IL1R1: variants seen among roughly 807,000 people sequenced by gnomAD.
The protein encoded by IL1R1 is interleukin-1 receptor type 1.
IL1R1 carries 22 observed loss-of-function variants against 50.2 expected under a neutral mutation model. The ratio of observed to expected loss-of-function variants is 0.44; its 90% CI spans 0.31 to 0.63. The LOEUF (loss-of-function observed/expected upper bound fraction) is 0.63, where lower values mean the gene tolerates loss of function less well. Among genes scored for constraint, IL1R1 ranks in the 20% least tolerant of loss-of-function variants. IL1R1 has a pLI of 0.07. For missense variants in IL1R1, 509 were observed against 676.2 expected (o/e 0.75, Z 2.74); for synonymous variants, 251 against 236.7 (o/e 1.06, Z -0.55).
chr2:102,104,199 G>T (rs1297058359), upstream of IL1R1, among the ~76,000 whole-genome samples: 6 of 152,004 alleles, frequency 3.9e-5, no homozygotes. Flanking sequence ...ATGAGAAGTG[G>T]GCCAGCATCT....
intron 1 of IL1R1, among the ~76,000 whole-genome samples, chr2:102,072,159 C>CTGAA (rs1042372485): frequency 6.6e-6 from 1 of 151,504 alleles, no homozygotes; most frequent in African/African-American, 2.4e-5. Flanking sequence ...ACTAGGGAGG[C>CTGAA]TGAAGCAGGA....
At chr2:102,123,647 G>A (rs370630796) in intron 1 of IL1R1, among the ~76,000 whole-genome samples, 54 of 152,036 alleles carry the variant, frequency 3.6e-4, no homozygotes, top group African/African-American at 1.1e-3. Flanking sequence ...TCATGGTGGC[G>A]TGCACCTATA....
chr2:102,154,601 T>A (rs893939080), intron 2 of IL1R1, among the ~76,000 whole-genome samples: 1 of 152,108 alleles, frequency 6.6e-6, no homozygotes, highest in African/African-American at 2.4e-5. Flanking sequence ...CCCGCCTGCC[T>A]GTCTGTCACT....
At chr2:102,140,489 G>T (rs1454233160), upstream of IL1R1, among the ~76,000 whole-genome samples, 1 of 152,186 alleles carries the variant, frequency 6.6e-6, no homozygotes, top group Non-Finnish European at 1.5e-5. Flanking sequence ...GTGTCCAGAG[G>T]CTAACAATGC....
chr2:102,166,956 A>G (rs1290776633), intron 6 of IL1R1, among the ~76,000 whole-genome samples: 1 of 152,234 alleles, frequency 6.6e-6, no homozygotes, highest in Non-Finnish European at 1.5e-5. Flanking sequence ...ATTGAAAACT[A>G]TATCACAGCA....
At chr2:102,166,720 C>T (rs1201505606) in intron 6 of IL1R1, among the ~76,000 whole-genome samples, 1 of 152,140 alleles carries the variant, frequency 6.6e-6, no homozygotes, top group African/African-American at 2.4e-5. Flanking sequence ...ACCTCCTGTT[C>T]ATTCTGTGTT....
intron 1 of IL1R1, among the ~76,000 whole-genome samples, chr2:102,092,538 T>C (rs937384028): frequency 8.5e-5 from 13 of 152,174 alleles, no homozygotes; most frequent in African/African-American, 2.9e-4. Flanking sequence ...TCTTAAGTGC[T>C]CTTTAAACCA....
intron 3 of IL1R1, among the ~76,000 whole-genome samples, chr2:102,162,053 T>C (rs1684779344): frequency 6.6e-6 from 1 of 152,180 alleles, no homozygotes; most frequent in South Asian, 2.1e-4. Context: ...ATTTTTACTG[T>C]AAAATCTACT....
intron 1 of IL1R1, among the ~76,000 whole-genome samples, chr2:102,124,432 G>GC (rs994551032): frequency 2.1e-4 from 31 of 144,756 alleles, no homozygotes; most frequent in African/African-American, 4.9e-4. Flanking sequence ...CCCCACCACT[G>GC]CCCCCCCAAA....
At chr2:102,168,698 G>GTT (rs55639750) in intron 7 of IL1R1, 35 bp downstream of exon 7, 580 of 1,263,126 alleles carry the variant, frequency 4.6e-4, no homozygotes, top group South Asian at 3.8e-3. Flanking sequence ...GCTGGAATCG[G>GTT]TTTTTTTTTT....
chr2:102,083,671 T>A (rs1679314568), intron 1 of IL1R1, among the ~76,000 whole-genome samples: 1 of 152,002 alleles, frequency 6.6e-6, no homozygotes, highest in South Asian at 2.1e-4. Flanking sequence ...ATCGGCCAGG[T>A]GTGGTGGCTC....
Position 102,094,738 on chromosome 2 carries a change from T to A in IL1R1, c.-84+24205T>A, listed in dbSNP as rs112786283. Among the ~76,000 whole-genome samples, 1,182 of 152,328 alleles carry A rather than the reference T, an allele frequency of 7.8e-3. 14 individuals carry two copies. The highest frequency in any genetic ancestry group is 0.028 in the African/African-American group (1,145 of 41,564). On this transcript the variant is annotated intron_variant, in intron 1 of 11. Coordinates refer to the IL1R1 transcript ENST00000409929. ...TTATGTGTGCGTTACCAGGTTGCAG[T>A]CAGCCAACAGACACAGAACAGGTTA...
chr2:102,126,930 A>C (rs1681743572), intron 1 of IL1R1, among the ~76,000 whole-genome samples: 3 of 152,218 alleles, frequency 2.0e-5, no homozygotes, highest in Non-Finnish European at 4.4e-5. Context: ...TCAGTGAAGA[A>C]TGTCAGTAGG....
chr2:102,109,590 G>A (rs750589836), intron 1 of IL1R1, among the ~76,000 whole-genome samples: 76 of 152,106 alleles, frequency 5.0e-4, no homozygotes, highest in Non-Finnish European at 1.0e-3. Context: ...TGTTGAACCT[G>A]GAAAACTCAG....
At chr2:102,144,194 G>T (rs1381478729) in intron 1 of IL1R1, among the ~76,000 whole-genome samples, 1 of 152,076 alleles carries the variant, frequency 6.6e-6, no homozygotes, top group African/African-American at 2.4e-5. Context: ...ATTCATATCC[G>T]ATGTTAACGT....
intron 1 of IL1R1, among the ~76,000 whole-genome samples, chr2:102,095,173 C>T (rs1042026906): frequency 3.3e-5 from 5 of 152,192 alleles, no homozygotes; most frequent in African/African-American, 1.2e-4. Flanking sequence ...CCCTGAGTCA[C>T]ACACATGCAA....
At chr2:102,157,228 A>G (rs1343993000) in intron 2 of IL1R1, among the ~76,000 whole-genome samples, 2 of 152,096 alleles carry the variant, frequency 1.3e-5, no homozygotes, top group Non-Finnish European at 2.9e-5. Context: ...CTATTGTACA[A>G]GCAATTTAGG....
intron 1 of IL1R1, among the ~76,000 whole-genome samples, chr2:102,147,229 G>C (rs1445024032): frequency 6.6e-6 from 1 of 152,154 alleles, no homozygotes; most frequent in Non-Finnish European, 1.5e-5. Flanking sequence ...CGTAAGTTTT[G>C]TGTGTTTCAC....
intron 1 of IL1R1, among the ~76,000 whole-genome samples, chr2:102,122,062 C>G (rs538430402): frequency 1.3e-5 from 2 of 152,110 alleles, no homozygotes; most frequent in Admixed American, 6.6e-5. Context: ...CTAAGATCAC[C>G]CTTTGAATCA....
Sources: gnomAD v4.1 joint callset for allele counts (sites outside exome capture counted in the v4.1 genomes callset) on GRCh38, gnomAD v4.1.1 for gene constraint, MANE v1.5 for transcripts, NCBI Gene and HGNC (gene_info 2026-07-23, HGNC 2026-07-21) for gene names.